Variants in PRKN observed in about 807,000 individuals in gnomAD.
PRKN encodes parkin RBR E3 ubiquitin protein ligase, also known as E3 ubiquitin-protein ligase parkin.
In PRKN, 56 loss-of-function variants were observed where a neutral mutation model predicts 59.5. That is an observed-to-expected ratio of 0.94 (90% CI 0.76 to 1.18). The LOEUF (loss-of-function observed/expected upper bound fraction) is 1.18, where lower values mean the gene tolerates loss of function less well. Ranked by LOEUF, PRKN falls within the 50% of genes most tolerant of loss-of-function variation. The pLI is 0.00. For synonymous variants in PRKN, 250 were observed against 222.1 expected (o/e 1.13, Z -1.12); for missense variants, 657 against 596.4 (o/e 1.10, Z -1.06).
intron 6 of PRKN, among the ~76,000 whole-genome samples, chr6:161,817,629 TA>T (rs1316249777): frequency 6.6e-6 from 1 of 152,224 alleles, no homozygotes. Flanking sequence ...TAAGAAAAGT[TA>T]ACTTGTTAAT....
At position 161,447,359 on chromosome 6, in the gene PRKN, A is replaced by G. The variant is rs995719883; in HGVS notation, c.1084-60482T>C. Among the ~76,000 whole-genome samples, 7 of 152,052 alleles carry G rather than the reference A, an allele frequency of 4.6e-5. No homozygotes were observed. The highest frequency in any genetic ancestry group is 1.0e-4 in the Non-Finnish European group (7 of 68,024). On this transcript the variant is annotated intron_variant, in intron 9 of 11. Transcript: ENST00000366898. The surrounding 1 kb of genome is among the most constrained non-coding windows in gnomAD (Gnocchi z 4.1). ...ATTCCCCAAACCTTTTCAGAACTGA[A>G]CTCATTAGAAATGAATTTACATTTT...
chr6:162,065,542 T>A (rs1778297595), intron 4 of PRKN, among the ~76,000 whole-genome samples: 1 of 151,816 alleles, frequency 6.6e-6, no homozygotes, highest in African/African-American at 2.4e-5. Flanking sequence ...TTGAAACAAT[T>A]CTTTTCTTTT....
chr6:161,768,160 G>C (rs1243482337), intron 7 of PRKN, among the ~76,000 whole-genome samples: 1 of 152,032 alleles, frequency 6.6e-6, no homozygotes, highest in Admixed American at 6.6e-5. Context: ...ACACGAAGGG[G>C]GCTCCCAAGG....
At chr6:162,078,313 G>A (rs1347369451) in intron 4 of PRKN, among the ~76,000 whole-genome samples, 1 of 151,980 alleles carries the variant, frequency 6.6e-6, no homozygotes, top group Non-Finnish European at 1.5e-5. Context: ...TGCTTCTTGA[G>A]ATCAGTCTGA....
chr6:162,622,693 T>C (rs1395353210), intron 1 of PRKN, among the ~76,000 whole-genome samples: 1 of 152,194 alleles, frequency 6.6e-6, no homozygotes, highest in Non-Finnish European at 1.5e-5. Flanking sequence ...TATGGGTAAT[T>C]CATATTGTTT....
intron 9 of PRKN, among the ~76,000 whole-genome samples, chr6:161,539,386 G>A (rs184062835): frequency 6.6e-6 from 1 of 152,304 alleles, no homozygotes; most frequent in East Asian, 1.9e-4. Flanking sequence ...CCAGGTTTAA[G>A]AGTGGCCAGC....
At chr6:161,671,360 G>A (rs1161163347) in intron 7 of PRKN, among the ~76,000 whole-genome samples, 1 of 152,140 alleles carries the variant, frequency 6.6e-6, no homozygotes, top group African/African-American at 2.4e-5. Context: ...ACTGAAATAA[G>A]ACGGGCTCAG....
Position 162,123,671 on chromosome 6 carries a change from C to T in PRKN, c.535-69497G>A, listed in dbSNP as rs193214850. Among the ~76,000 whole-genome samples the T allele has an allele frequency of 5.9e-5, 9 of 152,092 alleles. No individual in the cohort carries two copies. In the South Asian group the frequency reaches 6.2e-4, roughly 11 times the overall value. On this transcript the variant is annotated intron_variant, in intron 4 of 11. Coordinates refer to ENST00000366898, the MANE Select transcript of PRKN (RefSeq NM_004562.3). ...AGGAGAGGCCAAGAGAGTGTTTGAA[C>T]GAATAGTTATTTTTTATTAGGTATA... is the stretch of plus-strand genomic sequence containing the variant.
intron 4 of PRKN, among the ~76,000 whole-genome samples, chr6:162,098,267 A>G (rs1290068397): frequency 2.6e-5 from 4 of 152,212 alleles, no homozygotes; most frequent in South Asian, 2.1e-4. Context: ...GCTGGCACAC[A>G]GGAATGTCCG....
At chr6:162,258,912 T>C (rs74914781) in intron 3 of PRKN, among the ~76,000 whole-genome samples, 1,810 of 152,296 alleles carry the variant, frequency 0.012, 39 homozygotes, top group African/African-American at 0.04. Context: ...CACTTATCTT[T>C]TGCCAACTAA....
chr6:161,397,778 A>G lies in PRKN; in HGVS notation c.1084-10901T>C, dbSNP rs1233716730. ...ACAGTGCTGAGGAAACCCAGTACTG[A>G]GAATGGAGAGGTCAATCCTGAGTAC... On this transcript the variant is annotated intron_variant, in intron 9 of 11. Coordinates refer to ENST00000366898, the MANE Select transcript of PRKN (RefSeq NM_004562.3). This position sits in a 1 kb window ranked among gnomAD's most constrained non-coding sequence, Gnocchi z 4.2. Among the ~76,000 whole-genome samples, 2 of 152,194 alleles carry G rather than the reference A, an allele frequency of 1.3e-5. No homozygotes were observed. The highest frequency in any genetic ancestry group is 2.4e-5 in the African/African-American group (1 of 41,440).
intron 2 of PRKN, among the ~76,000 whole-genome samples, chr6:162,339,585 C>G (rs1738628265): frequency 6.6e-6 from 1 of 151,096 alleles, no homozygotes; most frequent in African/African-American, 2.4e-5. Context: ...CCGGCCGCCC[C>G]TACTGGGAAG....
intron 1 of PRKN, among the ~76,000 whole-genome samples, chr6:162,577,530 G>A (rs547995079): frequency 6.6e-6 from 1 of 152,164 alleles, no homozygotes; most frequent in South Asian, 2.1e-4. Context: ...AACCCGGGAG[G>A]CGGGGGGTGC....
intron 7 of PRKN, among the ~76,000 whole-genome samples, chr6:161,619,024 C>A (rs965898386): frequency 6.6e-6 from 1 of 152,088 alleles, no homozygotes; most frequent in Non-Finnish European, 1.5e-5. Context: ...CAGAGGGCAG[C>A]AGATGCTCTT....
rs773022098 is a variant in PRKN at position 162,627,278 on chromosome 6, C to T, written c.7+100384G>A. Among the ~76,000 whole-genome samples the T allele has an allele frequency of 2.8e-4, 42 of 152,250 alleles. 1 individual carries two copies. Among genetic ancestry groups the T allele is most frequent in the Non-Finnish European group, 5.6e-4 (38 of 68,014 alleles). On this transcript the variant is annotated intron_variant, in intron 1 of 11. Transcript: ENST00000366898. ...GTGAAAAGAAAGCACATTCAGGAAA[C>T]AGTCTGTGATGGCTTCACCCAGAAT...
chr6:161,918,614 C>T (rs975344649), intron 6 of PRKN, among the ~76,000 whole-genome samples: 1 of 152,148 alleles, frequency 6.6e-6, no homozygotes, highest in African/African-American at 2.4e-5. Flanking sequence ...GGTGCATTAT[C>T]TTTGTACCCA....
At chr6:162,676,587 T>A (rs1779554426) in intron 1 of PRKN, among the ~76,000 whole-genome samples, 1 of 152,120 alleles carries the variant, frequency 6.6e-6, no homozygotes, top group African/African-American at 2.4e-5. Context: ...GATAGCTTCC[T>A]CCATTACTGT....
intron 2 of PRKN, among the ~76,000 whole-genome samples, chr6:162,385,221 C>T (rs1388206064): frequency 6.6e-6 from 1 of 152,114 alleles, no homozygotes; most frequent in East Asian, 1.9e-4. Flanking sequence ...GTTTTAACCA[C>T]CAATGGTAGC....
chr6:162,639,173 A>T (rs951390312), intron 1 of PRKN, among the ~76,000 whole-genome samples: 6 of 152,076 alleles, frequency 3.9e-5, no homozygotes, highest in African/African-American at 1.4e-4. Flanking sequence ...TTCCTGATTC[A>T]CCGCATGCTT....
Sources: allele counts gnomAD v4.1 joint callset (sites outside exome capture counted in the v4.1 genomes callset), GRCh38; gene constraint gnomAD v4.1.1; non-coding constraint Gnocchi (gnomAD v3.1); transcripts MANE v1.5; gene names NCBI Gene and HGNC (gene_info 2026-07-23, HGNC 2026-07-21).